The following ITPK1 variants were observed in gnomAD, a reference collection of about 807,000 sequenced individuals.
ITPK1 encodes the protein inositol 1,3,4-trisphosphate 5/6-kinase.
A neutral mutation model predicts 45.3 loss-of-function variants in ITPK1; 21 were observed. That is an observed-to-expected ratio of 0.46 (90% CI 0.33 to 0.67). The LOEUF is 0.67. Among genes scored for constraint, ITPK1 ranks in the 30% least tolerant of loss-of-function variants. The probability of loss-of-function intolerance (pLI) is 0.02; values close to 1 mark genes in which losing one functional copy is unlikely to be tolerated. For synonymous variants in ITPK1, 258 were observed against 253.6 expected (o/e 1.02, Z -0.16); for missense variants, 474 against 573.5 (o/e 0.83, Z 1.77).
chr14:92,947,016 A>G (rs1595075879), intron 9 of ITPK1, among the ~76,000 whole-genome samples: 2 of 152,324 alleles, frequency 1.3e-5, no homozygotes, highest in South Asian at 4.1e-4. Flanking sequence ...CAGGGGAGGC[A>G]AAGGTGCTGA....
At chr14:93,069,967 C>G (rs1890923055) in intron 3 of ITPK1, 1 of 152,228 alleles carries the variant, frequency 6.6e-6, no homozygotes, top group African/African-American at 2.4e-5. Context: ...GCTTGAGAAA[C>G]AGCCGCCGCA....
At chr14:93,105,611 T>C (rs1319596980) in intron 2 of ITPK1, among the ~76,000 whole-genome samples, 1 of 142,598 alleles carries the variant, frequency 7.0e-6, no homozygotes, top group Non-Finnish European at 1.5e-5. Context: ...AACCTCCGCC[T>C]CCTGAGTTCA....
intron 2 of ITPK1, among the ~76,000 whole-genome samples, chr14:93,083,493 T>G (rs999125612): frequency 2.0e-5 from 3 of 152,022 alleles, no homozygotes; most frequent in South Asian, 2.1e-4. Context: ...CTCGGGGAAG[T>G]GGGAAGCCAG....
Position 92,938,266 on chromosome 14 carries a change from T to C in ITPK1, c.*3295A>G. 3.4e-6 allele frequency: 2 copies of C among 593,906 alleles called. No individual in the cohort carries two copies. Among genetic ancestry groups the C allele is most frequent in the East Asian group, 2.8e-5 (1 of 35,622 alleles). The allele number at this position is 593,906 out of a possible 1,614,324, so 36.8% of individuals were successfully genotyped here. On this transcript the variant is annotated 3_prime_UTR_variant, in exon 11 of 11. Coordinates refer to ENST00000267615, the MANE Select transcript of ITPK1 (RefSeq NM_014216.6). ...AGCCGCCATGCCCGGCCAGAGTTTC[T>C]AGGGAATAGAAGAGAGGGCAGATAC...
intron 3 of ITPK1, among the ~76,000 whole-genome samples, chr14:93,022,270 T>G (rs1404345066): frequency 6.6e-6 from 1 of 152,188 alleles, no homozygotes; most frequent in Admixed American, 6.5e-5. Flanking sequence ...GAAGGCCACT[T>G]CTGGCCTAGG....
At position 92,987,271 on chromosome 14, in the gene ITPK1, G is replaced by A. The variant is rs376108643; in HGVS notation, c.364+6609C>T. 2.4e-3 allele frequency among the ~76,000 whole-genome samples: 369 copies of A among 152,334 alleles called. 4 individuals carry two copies. Among genetic ancestry groups the A allele is most frequent in the African/African-American group, 8.7e-3 (362 of 41,568 alleles). On this transcript the variant is annotated intron_variant, in intron 5 of 10. Coordinates refer to ENST00000267615, the MANE Select transcript of ITPK1 (RefSeq NM_014216.6). ...GAAAGGGCTGCGAGTAGGCCTGTGG[G>A]CCTGATGTGGAGCTGGCTTTGGCTG...
chr14:93,046,018 C>T (rs780129165), intron 3 of ITPK1, among the ~76,000 whole-genome samples: 9 of 152,186 alleles, frequency 5.9e-5, no homozygotes, highest in African/African-American at 1.7e-4. Flanking sequence ...GTCTGTGAGC[C>T]GGGCCTCAAG....
rs1887970370 is a variant in ITPK1, at chr14:93,012,625, G to A, written c.246+4051C>T. On this transcript the variant is annotated intron_variant, in intron 4 of 10. Transcript: ENST00000267615. This position sits in a 1 kb window ranked among gnomAD's most constrained non-coding sequence, Gnocchi z 4.9. Reference sequence around the variant, plus strand: ...CGTGAGGTCAGTTCTGGGTCTGCCTGCTGGCCTCTCCTCCTGGCCAGGAGC... The same window carrying A: ...CGTGAGGTCAGTTCTGGGTCTGCCTACTGGCCTCTCCTCCTGGCCAGGAGC... Among the ~76,000 whole-genome samples the A allele has an allele frequency of 6.6e-6, 1 of 152,202 alleles. No individual in the cohort carries two copies. The highest frequency in any genetic ancestry group is 2.4e-5 in the African/African-American group (1 of 41,448).
intron 4 of ITPK1, among the ~76,000 whole-genome samples, chr14:93,001,085 C>A (rs1180407580): frequency 2.0e-5 from 3 of 151,132 alleles, no homozygotes; most frequent in African/African-American, 4.9e-5. Context: ...CAAAACCAGC[C>A]AGTTAGAGAC....
intron 7 of ITPK1, among the ~76,000 whole-genome samples, chr14:92,959,149 G>T (rs961828191): frequency 1.3e-5 from 2 of 152,226 alleles, no homozygotes; most frequent in African/African-American, 4.8e-5. Flanking sequence ...GGAGTGCAGG[G>T]GGGCAGCTGC....
At chr14:92,985,265 A>G (rs982955338) in intron 5 of ITPK1, among the ~76,000 whole-genome samples, 1 of 152,142 alleles carries the variant, frequency 6.6e-6, no homozygotes, top group African/African-American at 2.4e-5. Context: ...GGACTAAAAA[A>G]TGGGTATTAG....
In ITPK1 at chr14:93,016,176, C is replaced by T. The variant is rs998333929; in HGVS notation, c.246+500G>A. Among the ~76,000 whole-genome samples, 8 of 152,098 alleles carry T rather than the reference C, an allele frequency of 5.3e-5. No individual in the cohort carries two copies. Among genetic ancestry groups the T allele is most frequent in the African/African-American group, 1.7e-4 (7 of 41,408 alleles). On this transcript the variant is annotated intron_variant, in intron 4 of 10. Coordinates refer to ENST00000267615, the MANE Select transcript of ITPK1 (RefSeq NM_014216.6). The surrounding 1 kb of genome is among the most constrained non-coding windows in gnomAD (Gnocchi z 5.0). Reference sequence around the variant, plus strand: ...GGGAAGTGGTGTGGGGAGAGGGAAGCAGCCAAGGGACTCAGCAAGATACCT... The same window carrying T: ...GGGAAGTGGTGTGGGGAGAGGGAAGTAGCCAAGGGACTCAGCAAGATACCT...
intron 4 of ITPK1, among the ~76,000 whole-genome samples, chr14:93,000,208 T>C (rs1024619008): frequency 6.6e-6 from 1 of 152,216 alleles, no homozygotes; most frequent in Non-Finnish European, 1.5e-5. Flanking sequence ...GCTGTGAACA[T>C]ACGTGTATAA....
chr14:93,040,687 G>A (rs553849815), intron 3 of ITPK1, among the ~76,000 whole-genome samples: 15 of 151,928 alleles, frequency 9.9e-5, no homozygotes, highest in South Asian at 2.1e-4. Context: ...TCTCCCCCCC[G>A]CAGGAGGCTG....
rs559620811 is a variant in ITPK1 at position 92,953,708 on chromosome 14, G to C, written c.671-1695C>G. Among the ~76,000 whole-genome samples the C allele has an allele frequency of 5.3e-5, 8 of 152,336 alleles. No homozygotes were observed. The South Asian group carries it at 1.7e-3, about 32-fold the overall frequency. On this transcript the variant is annotated intron_variant, in intron 8 of 10. Transcript: ENST00000267615. ...ATCAGGGAGGTTGGGAAGTCTGCAGGAGCCGCAAGGAGAACACGTGGGTGC... is the reference window on the plus strand; with the variant it reads ...ATCAGGGAGGTTGGGAAGTCTGCAGCAGCCGCAAGGAGAACACGTGGGTGC...
Position 93,006,688 on chromosome 14 carries a change from G to T in ITPK1, c.246+9988C>A, listed in dbSNP as rs1038228686. Among the ~76,000 whole-genome samples the T allele has an allele frequency of 3.9e-5, 5 of 128,726 alleles. No individual in the cohort carries two copies. In the South Asian group the frequency reaches 1.0e-3, roughly 26 times the overall value. 84.4% of individuals were successfully genotyped at this position (128,726 alleles called of 152,430 possible). On this transcript the variant is annotated intron_variant, in intron 4 of 10. Transcript: ENST00000267615. ...GCTGGGAGAAACCACAGGCTCTCTG[G>T]GGGGGAAACTGTTGTTCAAGAGCCA...
Position 93,032,899 on chromosome 14 carries a change from C to T in ITPK1, c.121-16098G>A, listed in dbSNP as rs1393334530. 6.6e-6 allele frequency among the ~76,000 whole-genome samples: 1 copy of T among 152,222 alleles called. No homozygotes were observed. The highest frequency in any genetic ancestry group is 2.4e-5 in the African/African-American group (1 of 41,454). On this transcript the variant is annotated intron_variant, in intron 3 of 10. Transcript: ENST00000267615. The surrounding 1 kb of genome is among the most constrained non-coding windows in gnomAD (Gnocchi z 4.0). ...CGGATCGTGCACCCTGCAAAGCCAG[C>T]CCTTTTCTCTAGGGGGTGAGCCCTT...
intron 9 of ITPK1, among the ~76,000 whole-genome samples, chr14:92,949,143 C>T (rs1460074199): frequency 2.0e-5 from 3 of 151,546 alleles, no homozygotes; most frequent in African/African-American, 7.3e-5. Flanking sequence ...GCCCAGGCTA[C>T]AGTGCAATGG....
intron 2 of ITPK1, among the ~76,000 whole-genome samples, chr14:93,102,632 G>A (rs949063133): frequency 6.6e-6 from 1 of 152,062 alleles, no homozygotes; most frequent in Non-Finnish European, 1.5e-5. Flanking sequence ...CTCCAACCTG[G>A]ATGACAGAGC....
Sources: allele counts gnomAD v4.1 joint callset (sites outside exome capture counted in the v4.1 genomes callset), GRCh38; gene constraint gnomAD v4.1.1; non-coding constraint Gnocchi (gnomAD v3.1); transcripts MANE v1.5; gene names NCBI Gene and HGNC (gene_info 2026-07-23, HGNC 2026-07-21).